Variants in XKR9 observed in about 807,000 individuals in gnomAD.
XKR9 encodes the protein XK-related protein 9.
XKR9 carries 32 observed loss-of-function variants against 32.0 expected under a neutral mutation model. That is an observed-to-expected ratio of 1.00 (90% confidence interval 0.76 to 1.34). XKR9 has a LOEUF of 1.34. Ranked by LOEUF, XKR9 falls within the 40% of genes most tolerant of loss-of-function variation. The probability of loss-of-function intolerance (pLI) is 0.00; values close to 1 mark genes in which losing one functional copy is unlikely to be tolerated. For missense variants in XKR9, 546 were observed against 429.7 expected, an observed-to-expected ratio of 1.27 and a Z score of -2.39; for synonymous variants, 168 against 143.4, an observed-to-expected ratio of 1.17 and a Z score of -1.22.
chr8:71,019,753 G>A, the XKR9 span, among the ~76,000 whole-genome samples: 78 of 152,220 alleles, frequency 5.1e-4, 1 homozygote, highest in East Asian at 0.01. Flanking sequence ...ATTTGTGGAC[G>A]GATGTTATCC....
chr8:70,903,272 G>A, the XKR9 span, among the ~76,000 whole-genome samples: 2 of 152,084 alleles, frequency 1.3e-5, no homozygotes, highest in Admixed American at 1.3e-4. Context: ...TGTGATCCTG[G>A]ACTTTTTTTG....
At chr8:70,934,661 G>A in the XKR9 span, among the ~76,000 whole-genome samples, 2 of 151,976 alleles carry the variant, frequency 1.3e-5, no homozygotes, top group African/African-American at 4.8e-5. Context: ...CACAGGGGAA[G>A]AGAATTAAGC....
intron 4 of XKR9, among the ~76,000 whole-genome samples, chr8:70,726,271 G>T (rs1418006673): frequency 6.6e-6 from 1 of 152,176 alleles, no homozygotes; most frequent in East Asian, 1.9e-4. Context: ...TTTAAGAATG[G>T]ATGAAACAAT....
chr8:70,982,282 C>T, the XKR9 span, among the ~76,000 whole-genome samples: 24 of 152,210 alleles, frequency 1.6e-4, no homozygotes, highest in Non-Finnish European at 2.9e-4. Flanking sequence ...CGGCTGCCAG[C>T]GTGAGTAGAG....
At chr8:70,865,522 A>T in the XKR9 span, among the ~76,000 whole-genome samples, 3 of 151,690 alleles carry the variant, frequency 2.0e-5, no homozygotes, top group East Asian at 5.8e-4. Context: ...TTTAATTTTC[A>T]ATTTTTTTAA....
the XKR9 span, among the ~76,000 whole-genome samples, chr8:70,971,137 A>AT: frequency 2.7e-4 from 41 of 152,072 alleles, 1 homozygote; most frequent in East Asian, 6.8e-3. Context: ...AACACCTACT[A>AT]TTTTTTTATT....
chr8:70,790,048 C>CTTTT (rs34230968), intron 3 of XKR9: 34 of 128,112 alleles, frequency 2.7e-4, no homozygotes, highest in African/African-American at 8.5e-4. Context: ...ACAATTGTTT[C>CTTTT]TTTTTTTTTT....
At chr8:70,744,537 T>C (rs1307892994) in intron 2 of XKR9, among the ~76,000 whole-genome samples, 2 of 152,174 alleles carry the variant, frequency 1.3e-5, no homozygotes, top group Non-Finnish European at 2.9e-5. Flanking sequence ...TCCAGTTCAT[T>C]TTTTGTGAAA....
At chr8:70,674,333 G>A (rs1818816587) in intron 1 of XKR9, among the ~76,000 whole-genome samples, 2 of 152,190 alleles carry the variant, frequency 1.3e-5, no homozygotes, top group African/African-American at 4.8e-5. Flanking sequence ...TCAGATAGAT[G>A]GCAGTTATTC....
chr8:70,828,321 T>G, the XKR9 span, among the ~76,000 whole-genome samples: 1 of 152,212 alleles, frequency 6.6e-6, no homozygotes, highest in Admixed American at 6.5e-5. Context: ...GTAGGTCCCA[T>G]GTAAACTTAG....
the XKR9 span, among the ~76,000 whole-genome samples, chr8:70,795,559 A>G: frequency 6.6e-6 from 1 of 152,140 alleles, no homozygotes; most frequent in Non-Finnish European, 1.5e-5. Flanking sequence ...AATCACCACA[A>G]CGTCTTCCAT....
At chr8:70,750,943 A>T (rs993374589) in intron 2 of XKR9, among the ~76,000 whole-genome samples, 4 of 152,158 alleles carry the variant, frequency 2.6e-5, no homozygotes, top group African/African-American at 9.7e-5. Flanking sequence ...AGCAAAACAT[A>T]TTGCTCTCCG....
chr8:70,760,369 G>A (rs1195259543), intron 2 of XKR9, among the ~76,000 whole-genome samples: 2 of 152,138 alleles, frequency 1.3e-5, no homozygotes, highest in Non-Finnish European at 2.9e-5. Context: ...AATAAGATAG[G>A]TAATTTATAC....
the XKR9 span, among the ~76,000 whole-genome samples, chr8:70,872,625 AG>A: frequency 3.3e-5 from 5 of 152,192 alleles, no homozygotes; most frequent in African/African-American, 1.2e-4. Context: ...AAAGCTTCAA[AG>A]GACAGGCTGA....
chr8:70,814,201 C>G, the XKR9 span, among the ~76,000 whole-genome samples: 278 of 152,072 alleles, frequency 1.8e-3, 2 homozygotes, highest in African/African-American at 6.6e-3. Context: ...GGACAAAAAA[C>G]CAAACACCGC....
At chr8:70,960,609 G>C in the XKR9 span, among the ~76,000 whole-genome samples, 2 of 152,112 alleles carry the variant, frequency 1.3e-5, no homozygotes, top group Non-Finnish European at 2.9e-5. Context: ...CAAGTGCAGT[G>C]GCTCACACCT....
At chr8:70,695,424 A>G (rs1198806270) in intron 3 of XKR9, among the ~76,000 whole-genome samples, 11 of 146,162 alleles carry the variant, frequency 7.5e-5, no homozygotes, top group South Asian at 2.2e-4. Flanking sequence ...GAGAACATGC[A>G]GTGTTTGGTT....
chr8:70,972,105 C>T, the XKR9 span, among the ~76,000 whole-genome samples: 2 of 151,974 alleles, frequency 1.3e-5, no homozygotes, highest in African/African-American at 2.4e-5. Context: ...GGATGTGTTT[C>T]ATTTGTTTGT....
At chr8:70,736,658 A>G (rs1806868691), downstream of XKR9, among the ~76,000 whole-genome samples, 1 of 152,094 alleles carries the variant, frequency 6.6e-6, no homozygotes, top group Non-Finnish European at 1.5e-5. Context: ...GGTGTAAGGA[A>G]GGGATCCAGT....
Sources: allele counts gnomAD v4.1 joint callset (sites outside exome capture counted in the v4.1 genomes callset), GRCh38; gene constraint gnomAD v4.1.1; transcripts MANE v1.5; gene names NCBI Gene and HGNC (gene_info 2026-07-23, HGNC 2026-07-21).